Variants in MRPL39 observed in about 807,000 individuals in gnomAD.
MRPL39 encodes the protein large ribosomal subunit protein mL39.
MRPL39 carries 35 observed loss-of-function variants against 44.5 expected under a neutral mutation model. The ratio of observed to expected loss-of-function variants is 0.79; its 90% CI spans 0.60 to 1.04. The LOEUF is 1.04. Among genes scored for constraint, MRPL39 ranks in the 50% least tolerant of loss-of-function variants. The pLI, the probability that MRPL39 is intolerant of heterozygous loss-of-function variation, is 0.00. For synonymous variants in MRPL39, 139 were observed against 136.1 expected (o/e 1.02, Z -0.15); for missense variants, 433 against 413.5 (o/e 1.05, Z -0.41).
upstream of MRPL39, chr21:25,607,571 G>A: frequency 7.7e-7 from 1 of 1,296,042 alleles, no homozygotes; most frequent in Non-Finnish European, 1.1e-6. Flanking sequence ...GGTCTGTTCC[G>A]GACCCAGCAC....
At chr21:25,607,611 C>A (rs962105227), upstream of MRPL39, 9 of 852,994 alleles carry the variant, frequency 1.1e-5, no homozygotes, top group Non-Finnish European at 1.4e-5. Flanking sequence ...CGGGGGGCGT[C>A]AGGCCTCGCT....
In MRPL39 at chr21:25,606,547, CG is replaced by C; in HGVS notation, c.181del (p.Arg61GlufsTer5). 6.2e-7 allele frequency: 1 copy of C among 1,613,896 alleles called. No homozygotes were observed. Among genetic ancestry groups the C allele is most frequent in the Non-Finnish European group, 8.5e-7 (1 of 1,179,818 alleles). ...EKARQLSLTP[R>X]TEKIEVKHVG... is the part of the protein sequence containing the mutation. Reference sequence around the variant, plus strand: ...ATGCTTAACTTCTATCTTCTCAGTTCGGGGAGTTAATGATAACTGCCTGGCT... The same window carrying C: ...ATGCTTAACTTCTATCTTCTCAGTTCGGGAGTTAATGATAACTGCCTGGCT... On this transcript the variant is annotated frameshift_variant, in exon 2 of 10. Transcript: ENST00000352957. LOFTEE classifies it high-confidence loss of function.
chr21:25,600,164 G>C (rs527327550), intron 4 of MRPL39, among the ~76,000 whole-genome samples: 28 of 152,162 alleles, frequency 1.8e-4, no homozygotes, highest in Middle Eastern at 3.4e-3. Context: ...GGGAAGCCAA[G>C]GCAGGTGGAT....
rs767948992 is a variant in MRPL39, at chr21:25,601,483, A to G, written c.421-16T>C. The G allele has an allele frequency of 3.3e-6, 5 of 1,497,228 alleles. No homozygotes were observed. The highest frequency in any genetic ancestry group is 4.6e-6 in the Non-Finnish European group (5 of 1,098,284). The allele number at this position is 1,497,228 out of a possible 1,614,324, so 92.7% of individuals were successfully genotyped here. A position where few individuals can be genotyped will look rare whatever the true frequency, so the allele number is the denominator to read the frequency against. Reference sequence around the variant, plus strand: ...GCCAATATGCCTAGAAAAAAAATATACATATATAAAATATATATAAACACA... The same window carrying G: ...GCCAATATGCCTAGAAAAAAAATATGCATATATAAAATATATATAAACACA... On this transcript the variant is annotated splice_polypyrimidine_tract_variant and intron_variant, in intron 3 of 9. Coordinates refer to ENST00000352957, the MANE Select transcript of MRPL39 (RefSeq NM_017446.4).
chr21:25,586,576 G>A (rs2031003892), intron 9 of MRPL39, among the ~76,000 whole-genome samples: 1 of 152,128 alleles, frequency 6.6e-6, no homozygotes, highest in Admixed American at 6.5e-5. Flanking sequence ...AGGAAAGTCA[G>A]GAATGCAAGT....
At chr21:25,594,139 G>A (rs938302050) in intron 6 of MRPL39, among the ~76,000 whole-genome samples, 181 bp from the exon 7 acceptor site, 1 of 151,916 alleles carries the variant, frequency 6.6e-6, no homozygotes, top group Non-Finnish European at 1.5e-5. Flanking sequence ...CAAAGTCACA[G>A]ACCTGCTTGG....
At chr21:25,603,775 A>G in intron 3 of MRPL39, 21 bp downstream of exon 3, 1 of 1,585,830 alleles carries the variant, frequency 6.3e-7, no homozygotes, top group Non-Finnish European at 8.6e-7. Context: ...AAATAGAAAA[A>G]GAATGTAGAG....
chr21:25,585,845 T>C (rs2030983005), intron 9 of MRPL39, 91 bp from the exon 10 acceptor site: 2 of 853,266 alleles, frequency 2.3e-6, no homozygotes, highest in Admixed American at 2.2e-5. Flanking sequence ...AGCCCTCTTA[T>C]AATGACCCTT....
rs1415653469 is a variant in MRPL39, at chr21:25,604,328, CA to C, written c.281-394del. Among the ~76,000 whole-genome samples, 4 of 152,184 alleles carry C rather than the reference CA, an allele frequency of 2.6e-5. No individual in the cohort carries two copies. In the East Asian group the frequency reaches 7.7e-4, roughly 29 times the overall value. ...CTTATTGGTTATTAACAAAATTACC[CA>C]AACCATTTACAAAATTTGTTCAGGC... On this transcript the variant is annotated intron_variant, in intron 2 of 9. Transcript: ENST00000352957.
upstream of MRPL39, among the ~76,000 whole-genome samples, chr21:25,607,838 C>T (rs1421623079): frequency 3.7e-5 from 5 of 134,178 alleles, no homozygotes; most frequent in African/African-American, 1.4e-4. Context: ...AGGTGAAGCG[C>T]TTGCTTCCCT....
At chr21:25,594,104 C>A in intron 6 of MRPL39, 146 bp from the exon 7 acceptor site, 1 of 650,480 alleles carries the variant, frequency 1.5e-6, no homozygotes, top group Non-Finnish European at 2.6e-6. Flanking sequence ...GCCACAGCCC[C>A]ATGACTCTGC....
At position 25,603,891 on chromosome 21, in the gene MRPL39, C is replaced by A; in HGVS notation, c.325G>T (p.Asp109Tyr). Residue 109 changes from aspartate to tyrosine, a missense_variant, in exon 3 of 10, where the codon GAT (aspartate) becomes TAT (tyrosine). Transcript: ENST00000352957. ...TTATACATGTCCCAAGGCTGTCCAT[C>A]CACCAGAGCCAGAATGGACTTCCTG... ...YCRKSILALV[D>Y]GQPWDMYKPL... 1.9e-6 allele frequency: 3 copies of A among 1,612,140 alleles called. No homozygotes were observed. The highest frequency in any genetic ancestry group is 2.5e-6 in the Non-Finnish European group (3 of 1,179,232).
intron 4 of MRPL39, among the ~76,000 whole-genome samples, chr21:25,600,978 C>T (rs963679422): frequency 4.6e-5 from 7 of 152,072 alleles, no homozygotes; most frequent in African/African-American, 1.4e-4. Context: ...CGTGGTGGCG[C>T]GCGCCTGTAG....
In MRPL39 at chr21:25,606,639, C is replaced by A. The variant is rs768326733; in HGVS notation, c.90G>T (p.Ser30=). Residue 30 remains serine (S), a synonymous_variant, in exon 2 of 10, where the codon TCG becomes TCT. Coordinates refer to ENST00000352957, the MANE Select transcript of MRPL39 (RefSeq NM_017446.4). Reference sequence around the variant, plus strand: ...CTGTCGGTGACAGCTGAGAAGCTGACGATGTTGCTATAAATCCTGTGGAGA... The same window carrying A: ...CTGTCGGTGACAGCTGAGAAGCTGAAGATGTTGCTATAAATCCTGTGGAGA... ...GGIKWRFIAT[S]SASQLSPTEL... 4 of 1,610,950 alleles carry A rather than the reference C, an allele frequency of 2.5e-6. No individual in the cohort carries two copies. In the East Asian group the frequency reaches 8.9e-5, roughly 36 times the overall value.
intron 9 of MRPL39, among the ~76,000 whole-genome samples, chr21:25,588,004 T>C (rs1380706829): frequency 2.0e-5 from 3 of 152,062 alleles, no homozygotes; most frequent in African/African-American, 4.8e-5. Context: ...ACAGGAATAG[T>C]TGTGGTCAAG....
At chr21:25,592,791 A>C in intron 8 of MRPL39, 21 bp downstream of exon 8, 2 of 1,552,788 alleles carry the variant, frequency 1.3e-6, no homozygotes, top group Non-Finnish European at 1.8e-6. Flanking sequence ...TGGAAGACCT[A>C]GAACTTTAAG....
rs1378444357 is a variant in MRPL39 at position 25,596,333 on chromosome 21, C to T, written c.701+969G>A. ...CAAGATGGTCTCGATCTCCTGACCT[C>T]GTGATCTGCCCGCCTCGGCCTCCCA... On this transcript the variant is annotated intron_variant, in intron 6 of 9. Transcript: ENST00000352957. Among the ~76,000 whole-genome samples the T allele has an allele frequency of 3.3e-5, 5 of 152,296 alleles. No individual in the cohort carries two copies. The East Asian group carries it at 5.8e-4, about 18-fold the overall frequency.
At position 25,593,911 on chromosome 21, in the gene MRPL39, C is replaced by T; in HGVS notation, c.749G>A (p.Arg250Lys). Reference protein sequence around the residue: ...IEEKASQNPERIVKLHRIGDF... With the variant: ...IEEKASQNPEKIVKLHRIGDF... ...TACTTACCTGTGTAGCTTGACTATT[C>T]TCTCAGGGTTCTGAGATGCCTTCTC... The change falls in exon 7 of 10, where the codon AGA (arginine) becomes AAA (lysine). Residue 250 changes from arginine to lysine, a missense_variant. Coordinates refer to ENST00000352957, the MANE Select transcript of MRPL39 (RefSeq NM_017446.4). 1 of 1,613,656 alleles carries T rather than the reference C, an allele frequency of 6.2e-7. No individual in the cohort carries two copies. The highest frequency in any genetic ancestry group is 1.7e-5 in the Admixed American group (1 of 60,008).
chr21:25,607,665 G>GT (rs1601388307), upstream of MRPL39: 4 of 641,440 alleles, frequency 6.2e-6, no homozygotes, highest in Admixed American at 2.9e-5. Context: ...GCCGGGGCGC[G>GT]TTACCTGTGC....
Sources: allele counts gnomAD v4.1 joint callset (sites outside exome capture counted in the v4.1 genomes callset), GRCh38; gene constraint gnomAD v4.1.1; transcripts MANE v1.5; gene names NCBI Gene and HGNC (gene_info 2026-07-23, HGNC 2026-07-21).